The following ZNF20 variants were observed in gnomAD, a reference collection of about 807,000 sequenced individuals.
The protein encoded by ZNF20 is zinc finger protein KOX13.
In ZNF20, 9 loss-of-function variants were observed where a neutral mutation model predicts 11.0. The ratio of observed to expected loss-of-function variants is 0.82; its 90% CI spans 0.49 to 1.43. ZNF20 has a LOEUF of 1.43. Ranked by LOEUF, ZNF20 falls within the 40% of genes most tolerant of loss-of-function variation. The probability of loss-of-function intolerance (pLI) is 0.00; values close to 1 mark genes in which losing one functional copy is unlikely to be tolerated. For missense variants in ZNF20, 528 were observed against 640.8 expected (o/e 0.82, Z 1.90); for synonymous variants, 182 against 213.0 (o/e 0.85, Z 1.27).
At position 12,133,920 on chromosome 19, in the gene ZNF20, A is replaced by G. The variant is rs764879346; in HGVS notation, c.266T>C (p.Ile89Thr). 2 of 1,614,048 alleles carry G rather than the reference A, an allele frequency of 1.2e-6. No homozygotes were observed. Among genetic ancestry groups the G allele is most frequent in the South Asian group, 2.2e-5 (2 of 91,048 alleles). Reference sequence around the variant, plus strand: ...TTTCCTGTTCAGCATGTCATCTGCAATCTGGTTGAAGCTTTCTCCACAGTG... The same window carrying G: ...TTTCCTGTTCAGCATGTCATCTGCAGTCTGGTTGAAGCTTTCTCCACAGTG... ...SHHCGESFNQ[I>T]ADDMLNRKTL... Residue 89 changes from isoleucine to threonine, a missense_variant, in exon 4 of 4, where the codon ATT (isoleucine) becomes ACT (threonine). Transcript: ENST00000334213.
chr19:12,138,430 A>G (rs1442138703), intron 1 of ZNF20, among the ~76,000 whole-genome samples: 1 of 145,536 alleles, frequency 6.9e-6, no homozygotes, highest in East Asian at 2.1e-4. Context: ...TGGGTTACAA[A>G]GAGAGACTTT....
In ZNF20 at chr19:12,135,818, A is replaced by G. The variant is rs1272017200; in HGVS notation, c.90T>C (p.Asn30=). ...EWALLDPSQK[N]LYRDVMQETF... ...TTTCCTGCATCACATCCCTGTAGAGATTCTTCTGGGAAGGATCCAGCAAAG... is the reference window on the plus strand; with the variant it reads ...TTTCCTGCATCACATCCCTGTAGAGGTTCTTCTGGGAAGGATCCAGCAAAG... The change falls in exon 2 of 4, where the codon AAT becomes AAC. Residue 30 remains asparagine (N), a synonymous_variant. Transcript: ENST00000334213. 1 of 1,614,106 alleles carries G rather than the reference A, an allele frequency of 6.2e-7. No homozygotes were observed. Among genetic ancestry groups the G allele is most frequent in the Non-Finnish European group, 8.5e-7 (1 of 1,180,022 alleles).
At chr19:12,140,149 C>A in intron 1 of ZNF20, 31 bp downstream of exon 1, 1 of 1,594,188 alleles carries the variant, frequency 6.3e-7, no homozygotes, top group East Asian at 2.3e-5. Flanking sequence ...AGCCCCTCCC[C>A]CGTCTGGGGA....
Position 12,135,805 on chromosome 19 carries a change from C to T in ZNF20, c.103G>A (p.Val35Met), listed in dbSNP as rs1976700821. The part of the protein sequence containing the change: ...DPSQKNLYRD[V>M]MQETFKNLTS... ...AGGTTCTTGAAGGTTTCCTGCATCACATCCCTGTAGAGATTCTTCTGGGAA... is the reference window on the plus strand; with the variant it reads ...AGGTTCTTGAAGGTTTCCTGCATCATATCCCTGTAGAGATTCTTCTGGGAA... Residue 35 changes from valine (V) to methionine (M), a missense_variant, in exon 2 of 4, where the codon GTG (valine) becomes ATG (methionine). Coordinates refer to ENST00000334213, the MANE Select transcript of ZNF20 (RefSeq NM_021143.4). 1 of 1,613,948 alleles carries T rather than the reference C, an allele frequency of 6.2e-7. No homozygotes were observed. The highest frequency in any genetic ancestry group is 1.7e-5 in the Admixed American group (1 of 59,954).
rs151101936 is a variant in ZNF20, at chr19:12,134,097, G to A, written c.201-112C>T. 1.3e-3 allele frequency: 1,119 copies of A among 867,946 alleles called. 14 individuals carry two copies. Among genetic ancestry groups the A allele is most frequent in the South Asian group, 1.0e-2 (557 of 55,702 alleles). The allele number at this position is 867,946 out of a possible 1,614,324, so 53.8% of individuals were successfully genotyped here. ...CCAGCACTTTGGGAGGCTGAGGTGG[G>A]CAGATCACCTGAGGTCAGGAGTTTG... On this transcript the variant is annotated intron_variant, in intron 3 of 3. Transcript: ENST00000334213.
intron 2 of ZNF20, 81 bp downstream of exon 2, chr19:12,135,688 T>C: frequency 2.5e-6 from 4 of 1,597,768 alleles, no homozygotes; most frequent in South Asian, 1.1e-5. Flanking sequence ...TTTTTGTCCA[T>C]GTTCCAAATC....
In ZNF20 at chr19:12,133,210, G is replaced by A; in HGVS notation, c.976C>T (p.Leu326Phe). The A allele has an allele frequency of 6.2e-7, 1 of 1,612,916 alleles. No individual in the cohort carries two copies. Among genetic ancestry groups the A allele is most frequent in the Non-Finnish European group, 8.5e-7 (1 of 1,179,514 alleles). Residue 326 changes from leucine (L) to phenylalanine (F), a missense_variant, in exon 4 of 4, where the codon CTT (leucine) becomes TTT (phenylalanine). Physicochemically the swap from Leu to Phe is conservative, Grantham distance 22. Coordinates refer to ENST00000334213, the MANE Select transcript of ZNF20 (RefSeq NM_021143.4). Reference sequence around the variant, plus strand: ...GTGTGAGTCCTTCCATGCTTTTGAAGGTGTGAGCCACATCTAAAGGCTTTC... The same window carrying A: ...GTGTGAGTCCTTCCATGCTTTTGAAAGTGTGAGCCACATCTAAAGGCTTTC... ...CGKAFRCGSH[L>F]QKHGRTHTGE...
At chr19:12,138,690 C>G (rs1426150466) in intron 1 of ZNF20, among the ~76,000 whole-genome samples, 2 of 151,546 alleles carry the variant, frequency 1.3e-5, no homozygotes. Context: ...GAAATATACT[C>G]TACAATAAAG....
rs765849947 is a variant in ZNF20, at chr19:12,135,848, C to T, written c.60G>A (p.Glu20=). Reference sequence around the variant, plus strand: ...TCTGGGAAGGATCCAGCAAAGCCCACTCCTCCTGGGTGAAGCTGACAGCCA... The same window carrying T: ...TCTGGGAAGGATCCAGCAAAGCCCATTCCTCCTGGGTGAAGCTGACAGCCA... The part of the protein sequence containing the change: ...EDVAVSFTQE[E]WALLDPSQKN... Residue 20 remains glutamate (E), a synonymous_variant, in exon 2 of 4, where the codon GAG becomes GAA. Coordinates refer to ENST00000334213, the MANE Select transcript of ZNF20 (RefSeq NM_021143.4). The T allele has an allele frequency of 5.0e-6, 8 of 1,614,054 alleles. No individual in the cohort carries two copies. Among genetic ancestry groups the T allele is most frequent in the African/African-American group, 1.3e-5 (1 of 74,926 alleles).
In ZNF20 at chr19:12,139,533, AT is replaced by A. The variant is rs550020752; in HGVS notation, c.3+646del. ...ATCGCTGTTTGCTCAAACTCTTTAA[AT>A]TTTTTTTTTTTTTTGAGATGGAATC... On this transcript the variant is annotated intron_variant, in intron 1 of 3. Coordinates refer to ENST00000334213, the MANE Select transcript of ZNF20 (RefSeq NM_021143.4). The surrounding 1 kb of genome is among the most constrained non-coding windows in gnomAD (Gnocchi z 4.0). Among the ~76,000 whole-genome samples the A allele has an allele frequency of 0.18, 25,645 of 145,662 alleles. 2,584 individuals carry two copies. The highest frequency in any genetic ancestry group is 0.23 in the Admixed American group (3,410 of 14,584).
At chr19:12,134,614 G>A (rs1000951901) in intron 3 of ZNF20, among the ~76,000 whole-genome samples, 4 of 152,082 alleles carry the variant, frequency 2.6e-5, no homozygotes, top group African/African-American at 7.2e-5. Flanking sequence ...CTCCACTCCC[G>A]CCTGGGTGAC....
chr19:12,138,819 CA>C (rs1005222817), intron 1 of ZNF20, among the ~76,000 whole-genome samples: 10 of 144,746 alleles, frequency 6.9e-5, no homozygotes, highest in Non-Finnish European at 7.6e-5. Flanking sequence ...AACTCCGTCT[CA>C]AAAAAAAAAG....
rs1364018092 is a variant in ZNF20, at chr19:12,139,410, AGAACCTG to A, written c.3+763_3+769del. On this transcript the variant is annotated intron_variant, in intron 1 of 3. Coordinates refer to ENST00000334213, the MANE Select transcript of ZNF20 (RefSeq NM_021143.4). This position sits in a 1 kb window ranked among gnomAD's most constrained non-coding sequence, Gnocchi z 4.0. ...GTCCAATTCTTTGTTCAAGACGCCAAGAACCTGGACCCCCTCCACCGTTAACAAAATG... is the reference window on the plus strand; with the variant it reads ...GTCCAATTCTTTGTTCAAGACGCCAAGACCCCCTCCACCGTTAACAAAATG... 6.6e-6 allele frequency among the ~76,000 whole-genome samples: 1 copy of A among 152,206 alleles called. No individual in the cohort carries two copies. Among genetic ancestry groups the A allele is most frequent in the African/African-American group, 2.4e-5 (1 of 41,470 alleles).
rs1435590918 is a variant in ZNF20 at position 12,132,152 on chromosome 19, C to T, written c.*435G>A. The stretch of plus-strand genomic sequence containing the variant: ...CAACATTTATTAGTTCTCTGGTAAA[C>T]ATTTTAACATTTCTGAAGAAACAGC... On this transcript the variant is annotated 3_prime_UTR_variant, in exon 4 of 4. Transcript: ENST00000334213. The T allele has an allele frequency of 6.2e-6, 1 of 160,874 alleles. No individual in the cohort carries two copies. Among genetic ancestry groups the T allele is most frequent in the Non-Finnish European group, 1.4e-5 (1 of 73,906 alleles). The allele number at this position is 160,874 out of a possible 1,614,324, so 10.0% of individuals were successfully genotyped here. A position where few individuals can be genotyped will look rare whatever the true frequency, so the allele number is the denominator to read the frequency against.
intron 3 of ZNF20, among the ~76,000 whole-genome samples, chr19:12,134,997 C>T (rs1976687246): frequency 6.6e-6 from 1 of 152,044 alleles, no homozygotes; most frequent in African/African-American, 2.4e-5. Flanking sequence ...CTGAAAGCCC[C>T]AAAGGACTGG....
Position 12,132,994 on chromosome 19 carries a change from T to C in ZNF20, c.1192A>G (p.Lys398Glu). 6.2e-7 allele frequency: 1 copy of C among 1,614,122 alleles called. No individual in the cohort carries two copies. The highest frequency in any genetic ancestry group is 8.5e-7 in the Non-Finnish European group (1 of 1,179,972). The change falls in exon 4 of 4, where the codon AAG becomes GAG. Residue 398 changes from lysine (K) to glutamate (E), a missense_variant. Coordinates refer to ENST00000334213, the MANE Select transcript of ZNF20 (RefSeq NM_021143.4). ...THSGEKPHECKECGKVFKYFS... is the reference protein window; with the variant it reads ...THSGEKPHECEECGKVFKYFS... ...TACTTGAATACTTTTCCACATTCCTTACATTCATGGGGTTTCTCTCCACTG... is the reference window on the plus strand; with the variant it reads ...TACTTGAATACTTTTCCACATTCCTCACATTCATGGGGTTTCTCTCCACTG...
In ZNF20 at chr19:12,131,430, T is replaced by C. The variant is rs1245136789; in HGVS notation, c.*1157A>G. On this transcript the variant is annotated 3_prime_UTR_variant, in exon 4 of 4. Coordinates refer to ENST00000334213, the MANE Select transcript of ZNF20 (RefSeq NM_021143.4). Reference sequence around the variant, plus strand: ...CATCTATGGCTTTTGGTCATATTCATTACCACAGTATATTATTACACCCTC... The same window carrying C: ...CATCTATGGCTTTTGGTCATATTCACTACCACAGTATATTATTACACCCTC... 2.0e-5 allele frequency: 3 copies of C among 152,222 alleles called. No homozygotes were observed. Among genetic ancestry groups the C allele is most frequent in the Admixed American group, 1.3e-4 (2 of 15,282 alleles). The allele number at this position is 152,222 out of a possible 1,614,324, so 9.4% of individuals were successfully genotyped here. A position where few individuals can be genotyped will look rare whatever the true frequency, so the allele number is the denominator to read the frequency against.
Position 12,133,946 on chromosome 19 carries a change from A to ATGAC in ZNF20, c.236_239dup (p.His80GlnfsTer14). On this transcript the variant is annotated frameshift_variant, in exon 4 of 4. Coordinates refer to ENST00000334213, the MANE Select transcript of ZNF20 (RefSeq NM_021143.4). LOFTEE classifies it low-confidence loss of function (END_TRUNC). Reference sequence around the variant, plus strand: ...TCTGGTTGAAGCTTTCTCCACAGTGATGACTTTCTTTACTTTCACAGAGTT... The same window carrying ATGAC: ...TCTGGTTGAAGCTTTCTCCACAGTGATGACTGACTTTCTTTACTTTCACAGAGTT... 6.2e-7 allele frequency: 1 copy of ATGAC among 1,611,944 alleles called. No individual in the cohort carries two copies. The highest frequency in any genetic ancestry group is 8.5e-7 in the Non-Finnish European group (1 of 1,178,944).
chr19:12,136,818 C>T, intron 1 of ZNF20: 1 of 436,444 alleles, frequency 2.3e-6, no homozygotes, highest in Non-Finnish European at 4.6e-6. Context: ...AAGCAGGTAT[C>T]ACCAGCCAAT....
Sources: allele counts gnomAD v4.1 joint callset (sites outside exome capture counted in the v4.1 genomes callset), GRCh38; gene constraint gnomAD v4.1.1; non-coding constraint Gnocchi (gnomAD v3.1); transcripts MANE v1.5; gene names NCBI Gene and HGNC (gene_info 2026-07-23, HGNC 2026-07-21).